Variants in PDE11A observed in about 807,000 individuals in gnomAD.
The protein encoded by PDE11A is phosphodiesterase 11A.
Under a neutral mutation model 100.5 loss-of-function variants are expected in PDE11A, and 100 were observed. That is an observed-to-expected ratio of 1.00 (90% CI 0.85 to 1.18). The LOEUF (loss-of-function observed/expected upper bound fraction) is 1.18, where lower values mean the gene tolerates loss of function less well. PDE11A is among the 50% of genes most tolerant of loss of function. The pLI is 0.00. For missense variants in PDE11A, 1,141 were observed against 1,152.6 expected (o/e 0.99, Z 0.15); for synonymous variants, 381 against 420.8 (o/e 0.91, Z 1.16).
intron 1 of PDE11A, among the ~76,000 whole-genome samples, chr2:178,035,793 T>C (rs2086606242): frequency 6.6e-6 from 1 of 152,172 alleles, no homozygotes; most frequent in South Asian, 2.1e-4. Flanking sequence ...ATTATCTCAA[T>C]AGATGCAGAA....
chr2:177,738,543 T>C (rs2081826696), intron 10 of PDE11A, among the ~76,000 whole-genome samples: 1 of 152,212 alleles, frequency 6.6e-6, no homozygotes, highest in Admixed American at 6.5e-5. Flanking sequence ...TTGCTGCCTT[T>C]TGTCTTGGTT....
At chr2:177,944,296 T>C (rs961991472) in intron 2 of PDE11A, among the ~76,000 whole-genome samples, 8 of 152,260 alleles carry the variant, frequency 5.3e-5, no homozygotes, top group Admixed American at 3.9e-4. Context: ...TTAGAGGATA[T>C]GGAAAATATA....
At chr2:178,103,288 G>A (rs2087582291) in intron 2 of PDE11A, among the ~76,000 whole-genome samples, 1 of 152,104 alleles carries the variant, frequency 6.6e-6, no homozygotes, top group Non-Finnish European at 1.5e-5. Flanking sequence ...CATATTATAT[G>A]ATTCCTTTTA....
At chr2:177,827,867 T>C (rs953540404) in intron 6 of PDE11A, among the ~76,000 whole-genome samples, 1 of 152,210 alleles carries the variant, frequency 6.6e-6, no homozygotes, top group African/African-American at 2.4e-5. Flanking sequence ...TTTATGTACA[T>C]GCTATTGGGG....
intron 5 of PDE11A, among the ~76,000 whole-genome samples, chr2:177,851,064 G>A (rs1336494524): frequency 6.6e-6 from 1 of 151,870 alleles, no homozygotes; most frequent in African/African-American, 2.4e-5. Flanking sequence ...ATAAATCATG[G>A]TGCTATAAAG....
intron 9 of PDE11A, among the ~76,000 whole-genome samples, chr2:177,812,440 G>A (rs763333260): frequency 6.6e-6 from 1 of 152,100 alleles, no homozygotes. Flanking sequence ...AGCAAGATCT[G>A]CATTAAAAGT....
At chr2:177,810,506 T>C (rs2082934708) in intron 9 of PDE11A, among the ~76,000 whole-genome samples, 1 of 152,052 alleles carries the variant, frequency 6.6e-6, no homozygotes, top group Non-Finnish European at 1.5e-5. Context: ...ACATTTTGAG[T>C]GGATATGGCA....
chr2:177,817,904 C>T lies in PDE11A; in HGVS notation c.1598G>A (p.Arg533Lys), dbSNP rs1218757395. Residue 533 changes from arginine to lysine, a missense_variant, in exon 8 of 20, where the codon AGA (arginine) becomes AAA (lysine). Coordinates refer to ENST00000286063, the MANE Select transcript of PDE11A (RefSeq NM_016953.4). ...QIIGVAQVLN[R>K]LDGKPFDDAD... ...ATCATCAAAAGGTTTCCCATCAAGT[C>T]TGTTTAACACTTGAGCCACTCCTAT... 16 of 1,525,714 alleles carry T rather than the reference C, an allele frequency of 1.0e-5. No individual in the cohort carries two copies. Among genetic ancestry groups the T allele is most frequent in the Non-Finnish European group, 1.5e-5 (16 of 1,101,344 alleles). The allele number at this position is 1,525,714 out of a possible 1,614,324, so 94.5% of individuals were successfully genotyped here.
intron 1 of PDE11A, among the ~76,000 whole-genome samples, chr2:178,042,960 AT>A (rs972066103): frequency 1.3e-5 from 2 of 152,150 alleles, no homozygotes; most frequent in African/African-American, 4.8e-5. Flanking sequence ...ACCCTTGGAC[AT>A]GGGGGCTGAG....
chr2:177,953,132 T>C (rs769937484), intron 2 of PDE11A: 9 of 152,094 alleles, frequency 5.9e-5, no homozygotes, highest in Non-Finnish European at 8.8e-5. Flanking sequence ...TTTTATAAGA[T>C]AGAAAAATGT....
intron 2 of PDE11A, among the ~76,000 whole-genome samples, chr2:177,981,967 T>C (rs1441479113): frequency 6.6e-6 from 1 of 151,002 alleles, no homozygotes. Flanking sequence ...TATAGATTCC[T>C]GGTCTTGAGG....
At chr2:177,855,131 A>T (rs574135260) in intron 5 of PDE11A, among the ~76,000 whole-genome samples, 2 of 152,144 alleles carry the variant, frequency 1.3e-5, no homozygotes. Flanking sequence ...TTCCTAGCAG[A>T]GGCACAGTAG....
chr2:177,945,802 CA>C (rs1371466790), intron 2 of PDE11A, among the ~76,000 whole-genome samples: 22 of 149,798 alleles, frequency 1.5e-4, no homozygotes, highest in South Asian at 6.3e-4. Context: ...CCCGCCCGGC[CA>C]GCCGTGCCAT....
intron 10 of PDE11A, among the ~76,000 whole-genome samples, chr2:177,758,709 C>CATCAACA (rs2082130649): frequency 6.6e-6 from 1 of 152,210 alleles, no homozygotes; most frequent in Admixed American, 6.5e-5. Context: ...TGCACCACCT[C>CATCAACA]ATCAACAATC....
intron 2 of PDE11A, among the ~76,000 whole-genome samples, chr2:177,928,973 T>G (rs1266829013): frequency 6.6e-6 from 1 of 152,192 alleles, no homozygotes; most frequent in East Asian, 1.9e-4. Context: ...CTTGAAAAAG[T>G]AAACTGTGCT....
At chr2:177,780,096 G>A (rs2105516201) in intron 9 of PDE11A, among the ~76,000 whole-genome samples, 1 of 152,220 alleles carries the variant, frequency 6.6e-6, no homozygotes, top group East Asian at 1.9e-4. Flanking sequence ...TTGTCAATTA[G>A]CAGTAATATT....
At chr2:177,951,762 C>T (rs564079305) in intron 2 of PDE11A, among the ~76,000 whole-genome samples, 1 of 152,146 alleles carries the variant, frequency 6.6e-6, no homozygotes, top group Non-Finnish European at 1.5e-5. Flanking sequence ...GTAAGCTTAC[C>T]TGACAGTAAA....
At chr2:177,634,514 A>G (rs2080007797) in intron 19 of PDE11A, among the ~76,000 whole-genome samples, 1 of 150,600 alleles carries the variant, frequency 6.6e-6, no homozygotes, top group African/African-American at 2.5e-5. Flanking sequence ...CAGCTTCCCG[A>G]GCAGCTCGGA....
rs543437887 is a variant in PDE11A at position 178,083,391 on chromosome 2, G to A, written c.162+20911C>T. ...TGGGATCACAGGCGTGAGCCACCTC[G>A]CCCAGCCAGTAGAACTAAATATTTG... On this transcript the variant is annotated intron_variant, in intron 2 of 20. Coordinates refer to the PDE11A transcript ENST00000358450. Among the ~76,000 whole-genome samples, 6 of 152,216 alleles carry A rather than the reference G, an allele frequency of 3.9e-5. No individual in the cohort carries two copies. In the South Asian group the frequency reaches 6.2e-4, roughly 16 times the overall value.
Sources: allele counts gnomAD v4.1 joint callset (sites outside exome capture counted in the v4.1 genomes callset), GRCh38; gene constraint gnomAD v4.1.1; transcripts MANE v1.5; gene names NCBI Gene and HGNC (gene_info 2026-07-23, HGNC 2026-07-21).